WDHD1: variants seen among roughly 807,000 people sequenced by gnomAD.
WDHD1 encodes the protein WD repeat and HMG-box DNA binding protein 1.
WDHD1 carries 111 observed loss-of-function variants against 135.4 expected under a neutral mutation model. The ratio of observed to expected loss-of-function variants is 0.82; its 90% CI spans 0.70 to 0.96. The LOEUF is 0.96. Among genes scored for constraint, WDHD1 ranks in the 40% least tolerant of loss-of-function variants. The probability of loss-of-function intolerance (pLI) is 0.00; values close to 1 mark genes in which losing one functional copy is unlikely to be tolerated. For missense variants in WDHD1, 1,351 were observed against 1,336.3 expected (o/e 1.01, Z -0.17); for synonymous variants, 434 against 439.0 (o/e 0.99, Z 0.14).
intron 20 of WDHD1, 59 bp from the exon 21 acceptor site, chr14:54,962,610 T>C (rs2140167360): frequency 1.3e-6 from 2 of 1,529,312 alleles, no homozygotes; most frequent in Non-Finnish European, 9.0e-7. Context: ...ATCCTCAATA[T>C]ACAACAACCA....
intron 2 of WDHD1, among the ~76,000 whole-genome samples, chr14:55,016,952 A>G (rs2042270836): frequency 6.6e-6 from 1 of 152,226 alleles, no homozygotes. Flanking sequence ...AGAACTTTCA[A>G]ACAGTTAAAT....
At chr14:54,983,163 C>CA (rs931816658) in intron 15 of WDHD1, among the ~76,000 whole-genome samples, 3 of 151,536 alleles carry the variant, frequency 2.0e-5, no homozygotes, top group African/African-American at 4.9e-5. Context: ...GACTCTGCGT[C>CA]AAAAAAACCA....
In WDHD1 at chr14:54,958,418, C is replaced by T. The variant is rs187252114; in HGVS notation, c.2702-783G>A. Among the ~76,000 whole-genome samples the T allele has an allele frequency of 1.7e-3, 258 of 152,290 alleles. 1 individual carries two copies. Among genetic ancestry groups the T allele is most frequent in the Non-Finnish European group, 2.8e-3 (190 of 68,020 alleles). ...CTGGGATTACAAGCATGAGCCACCA[C>T]GCCCGGTCATCCAGCCAAATTTTTC... is the stretch of plus-strand genomic sequence containing the variant. On this transcript the variant is annotated intron_variant, in intron 21 of 25. Coordinates refer to ENST00000360586, the MANE Select transcript of WDHD1 (RefSeq NM_007086.4).
At chr14:55,026,621 T>G in intron 2 of WDHD1, 90 bp downstream of exon 2, 1 of 1,217,474 alleles carries the variant, frequency 8.2e-7, no homozygotes, top group Non-Finnish European at 1.2e-6. Flanking sequence ...TCTATCCGCA[T>G]GAGTCATTTT....
chr14:54,951,778 A>G (rs981911469), intron 24 of WDHD1, among the ~76,000 whole-genome samples: 2 of 152,254 alleles, frequency 1.3e-5, no homozygotes, highest in African/African-American at 4.8e-5. Flanking sequence ...CAAATCCAGC[A>G]GCACTTCAAA....
At chr14:54,949,584 T>C (rs973259772) in intron 24 of WDHD1, among the ~76,000 whole-genome samples, 8 of 152,200 alleles carry the variant, frequency 5.3e-5, no homozygotes, top group Non-Finnish European at 1.0e-4. Context: ...CTCTGCAGGA[T>C]ACTATCCAGG....
At chr14:54,981,797 C>T (rs961045273) in intron 15 of WDHD1, 101 bp from the exon 16 acceptor site, 4 of 645,076 alleles carry the variant, frequency 6.2e-6, no homozygotes, top group Admixed American at 6.7e-5. Flanking sequence ...ACTTTGCTTT[C>T]AAAAGCAAAA....
At chr14:55,019,616 C>G (rs2042312442) in intron 2 of WDHD1, among the ~76,000 whole-genome samples, 1 of 151,976 alleles carries the variant, frequency 6.6e-6, no homozygotes, top group Non-Finnish European at 1.5e-5. Context: ...TGCCTGTAAC[C>G]CCAGCACTTT....
chr14:54,965,143 G>T (rs781585462), intron 18 of WDHD1, among the ~76,000 whole-genome samples: 1 of 152,138 alleles, frequency 6.6e-6, no homozygotes, highest in African/African-American at 2.4e-5. Context: ...ATTCACTCTT[G>T]TCAACAAATA....
At chr14:54,967,463 G>C in intron 16 of WDHD1, 69 bp from the exon 17 acceptor site, 2 of 1,065,200 alleles carry the variant, frequency 1.9e-6, no homozygotes, top group Non-Finnish European at 2.7e-6. Flanking sequence ...AATTTAAAAA[G>C]TTTTCAAAAG....
At chr14:54,997,547 C>T (rs370754307) in intron 10 of WDHD1, among the ~76,000 whole-genome samples, 1 of 152,158 alleles carries the variant, frequency 6.6e-6, no homozygotes, top group Admixed American at 6.5e-5. Context: ...AGATATTCAA[C>T]CATTCCATTT....
intron 16 of WDHD1, among the ~76,000 whole-genome samples, chr14:54,972,567 AAAAAAAAAAAAAAAAAAAAAAAAT>A (rs1406742085): frequency 2.7e-5 from 3 of 109,144 alleles, no homozygotes; most frequent in Non-Finnish European, 4.0e-5. Flanking sequence ...AAAAAAAAAA[AAAAAAAAAAAAAAAAAAAAAAAAT>A]GCCAATGAGG....
chr14:55,016,115 T>A (rs991745401), intron 2 of WDHD1, among the ~76,000 whole-genome samples: 4 of 152,182 alleles, frequency 2.6e-5, no homozygotes, highest in Non-Finnish European at 4.4e-5. Context: ...TAATAAGAAA[T>A]AAAGGCAGAA....
intron 2 of WDHD1, among the ~76,000 whole-genome samples, chr14:55,021,127 C>T (rs1372732688): frequency 6.6e-6 from 1 of 152,154 alleles, no homozygotes; most frequent in Non-Finnish European, 1.5e-5. Context: ...GACTCTTTTC[C>T]TTTTTAATTT....
chr14:55,025,494 C>G (rs1315607337), intron 2 of WDHD1, among the ~76,000 whole-genome samples: 6 of 152,194 alleles, frequency 3.9e-5, no homozygotes, highest in Admixed American at 3.9e-4. Flanking sequence ...AGGGGCAACC[C>G]GCCCCTACAC....
intron 21 of WDHD1, among the ~76,000 whole-genome samples, chr14:54,960,092 A>T (rs2041226758): frequency 6.6e-6 from 1 of 152,164 alleles, no homozygotes. Context: ...AACTCTGCCC[A>T]TTCTTTCTAA....
intron 24 of WDHD1, among the ~76,000 whole-genome samples, chr14:54,952,060 C>T (rs1429432183): frequency 6.6e-6 from 1 of 152,174 alleles, no homozygotes; most frequent in East Asian, 1.9e-4. Flanking sequence ...AAACTGGAAG[C>T]ATTCCCTTTG....
chr14:55,008,197 T>C (rs1330206224), intron 6 of WDHD1, 119 bp downstream of exon 6: 2 of 954,764 alleles, frequency 2.1e-6, no homozygotes, highest in Non-Finnish European at 3.1e-6. Flanking sequence ...CAGTATTTAA[T>C]GGTACCAAAG....
intron 14 of WDHD1, among the ~76,000 whole-genome samples, chr14:54,985,375 G>A (rs769926279): frequency 3.3e-5 from 5 of 152,160 alleles, no homozygotes; most frequent in Non-Finnish European, 5.9e-5. Flanking sequence ...GAAGGAACAC[G>A]GAAGTGGATG....
Sources: gnomAD v4.1 joint callset for allele counts (sites outside exome capture counted in the v4.1 genomes callset) on GRCh38, gnomAD v4.1.1 for gene constraint, MANE v1.5 for transcripts, NCBI Gene and HGNC (gene_info 2026-07-23, HGNC 2026-07-21) for gene names.